Variants in EEPD1 observed in about 807,000 individuals in gnomAD.
EEPD1 encodes the protein endonuclease/exonuclease/phosphatase family domain containing 1, also known as endonuclease/exonuclease/phosphatase family domain-containing protein 1.
EEPD1 carries 17 observed loss-of-function variants against 46.3 expected under a neutral mutation model. The ratio of observed to expected loss-of-function variants is 0.37; its 90% confidence interval spans 0.25 to 0.55. The LOEUF (loss-of-function observed/expected upper bound fraction) is 0.55, where lower values mean the gene tolerates loss of function less well. EEPD1 is among the 20% of genes least tolerant of loss of function. The pLI is 0.83. For missense variants in EEPD1, 673 were observed against 745.6 expected (o/e 0.90, Z 1.13); for synonymous variants, 313 against 315.6 (o/e 0.99, Z 0.09).
chr7:36,298,926 A>G, intron 7 of EEPD1, 81 bp from the exon 8 acceptor site: 4 of 1,509,748 alleles, frequency 2.6e-6, no homozygotes, highest in Non-Finnish European at 3.6e-6. Flanking sequence ...ATGCGGTGTG[A>G]CCCTCCACCT....
intron 2 of EEPD1, among the ~76,000 whole-genome samples, chr7:36,180,633 CTG>C (rs1199543128): frequency 1.3e-5 from 2 of 152,122 alleles, no homozygotes; most frequent in African/African-American, 2.4e-5. Context: ...GTTTAGGTGA[CTG>C]AGTATTTTAG....
At chr7:36,171,919 G>C (rs1168300258) in intron 2 of EEPD1, among the ~76,000 whole-genome samples, 1 of 152,188 alleles carries the variant, frequency 6.6e-6, no homozygotes, top group Non-Finnish European at 1.5e-5. Context: ...AGACCAAACT[G>C]TGAAGTTCAT....
chr7:36,155,406 G>C (rs993063617), intron 2 of EEPD1, among the ~76,000 whole-genome samples: 2 of 152,206 alleles, frequency 1.3e-5, no homozygotes, highest in African/African-American at 4.8e-5. Flanking sequence ...CTGGGCTTGT[G>C]ACCCATGTCT....
intron 5 of EEPD1, among the ~76,000 whole-genome samples, chr7:36,286,682 C>T (rs1787346740): frequency 6.6e-6 from 1 of 152,140 alleles, no homozygotes; most frequent in Non-Finnish European, 1.5e-5. Flanking sequence ...CTATAGTGGG[C>T]TCCAGAGAGA....
intron 3 of EEPD1, among the ~76,000 whole-genome samples, chr7:36,257,413 T>C (rs983035697): frequency 1.3e-5 from 2 of 152,104 alleles, no homozygotes; most frequent in Non-Finnish European, 2.9e-5. Context: ...TCCTGAAGAG[T>C]GTTTTCCAAG....
intron 2 of EEPD1, among the ~76,000 whole-genome samples, chr7:36,230,320 G>T (rs1364368293): frequency 6.7e-6 from 1 of 148,212 alleles, no homozygotes; most frequent in East Asian, 2.0e-4. Flanking sequence ...GTTACTTTCT[G>T]TGCCCCCGGG....
Position 36,154,689 on chromosome 7 carries a change from A to G in EEPD1, c.365A>G (p.Gln122Arg). ...CTGCGGCGGGACCTGCTAGCGGAGCAGCAGCCTCACCACCTGGCCACAGCT... is the reference window on the plus strand; with the variant it reads ...CTGCGGCGGGACCTGCTAGCGGAGCGGCAGCCTCACCACCTGGCCACAGCT... ...SSLRRDLLAE[Q>R]QPHHLATAVP... is the part of the protein sequence containing the mutation. The change falls in exon 2 of 8, where the codon CAG becomes CGG. Residue 122 changes from glutamine to arginine, a missense_variant. Physicochemically the swap from Gln to Arg is conservative, Grantham distance 43. Transcript: ENST00000242108. This position sits in a 1 kb window ranked among gnomAD's most constrained non-coding sequence, Gnocchi z 4.2. 1 of 1,613,568 alleles carries G rather than the reference A, an allele frequency of 6.2e-7. No homozygotes were observed. The highest frequency in any genetic ancestry group is 8.5e-7 in the Non-Finnish European group (1 of 1,179,976).
At chr7:36,249,042 C>G (rs1786689983) in intron 3 of EEPD1, among the ~76,000 whole-genome samples, 1 of 148,180 alleles carries the variant, frequency 6.7e-6, no homozygotes, top group African/African-American at 2.5e-5. Flanking sequence ...CACATTTTCT[C>G]CTTATTCTTT....
chr7:36,154,081 A>C lies in EEPD1; in HGVS notation c.-192-52A>C. On this transcript the variant is annotated intron_variant, in intron 1 of 7. Coordinates refer to ENST00000242108, the MANE Select transcript of EEPD1 (RefSeq NM_030636.3). The surrounding 1 kb of genome is among the most constrained non-coding windows in gnomAD (Gnocchi z 4.2). ...CTCTAGCACTAGGTAGGGGGTGCTA[A>C]TGCAAATTTCTTAATTCAATGGGTT... 1.8e-6 allele frequency: 1 copy of C among 565,338 alleles called. No homozygotes were observed. The highest frequency in any genetic ancestry group is 2.2e-5 in the South Asian group (1 of 45,478). The allele number at this position is 565,338 out of a possible 1,614,324, so 35.0% of individuals were successfully genotyped here.
intron 2 of EEPD1, among the ~76,000 whole-genome samples, chr7:36,188,078 G>A (rs1785393812): frequency 6.6e-6 from 1 of 152,176 alleles, no homozygotes; most frequent in Admixed American, 6.5e-5. Context: ...TTACAGGTGT[G>A]AGCCACTGTG....
At chr7:36,231,459 T>A (rs1786327181) in intron 2 of EEPD1, among the ~76,000 whole-genome samples, 1 of 152,318 alleles carries the variant, frequency 6.6e-6, no homozygotes, top group South Asian at 2.1e-4. Context: ...GGGGCTGTGC[T>A]GTTCTCAGAG....
At chr7:36,171,212 C>A (rs1366861288) in intron 2 of EEPD1, among the ~76,000 whole-genome samples, 4 of 152,202 alleles carry the variant, frequency 2.6e-5, no homozygotes, top group Non-Finnish European at 5.9e-5. Flanking sequence ...CATGAGCCAC[C>A]ATGCCCAGCC....
chr7:36,235,476 A>T (rs1786416722), intron 2 of EEPD1, among the ~76,000 whole-genome samples: 1 of 152,224 alleles, frequency 6.6e-6, no homozygotes. Context: ...TGACAAAGCT[A>T]ACCTGGTCCC....
chr7:36,180,748 G>A (rs1785258476), intron 2 of EEPD1, among the ~76,000 whole-genome samples: 1 of 152,034 alleles, frequency 6.6e-6, no homozygotes, highest in Admixed American at 6.6e-5. Flanking sequence ...TTCTGGACTG[G>A]TCGGGCTCCT....
At chr7:36,217,820 CT>C (rs904630420) in intron 2 of EEPD1, among the ~76,000 whole-genome samples, 8 of 152,120 alleles carry the variant, frequency 5.3e-5, no homozygotes, top group Admixed American at 5.2e-4. Flanking sequence ...TGAATTTCAC[CT>C]GGCCTAAAAG....
intron 2 of EEPD1, among the ~76,000 whole-genome samples, chr7:36,171,253 A>G (rs1785075311): frequency 6.6e-6 from 1 of 152,126 alleles, no homozygotes; most frequent in Admixed American, 6.5e-5. Context: ...GTATAAATCA[A>G]TTTTGGCTGT....
rs1424274209 is a variant in EEPD1 at position 36,237,019 on chromosome 7, C to T, written c.879-1966C>T. Among the ~76,000 whole-genome samples, 5 of 152,344 alleles carry T rather than the reference C, an allele frequency of 3.3e-5. No homozygotes were observed. In the East Asian group the frequency reaches 9.7e-4, roughly 29 times the overall value. On this transcript the variant is annotated intron_variant, in intron 2 of 7. Transcript: ENST00000242108. ...CTGCTCCCTCTTTGGTTCCATGCTGCTGTAACACTCACTGCGAAGGTCTGC... is the reference window on the plus strand; with the variant it reads ...CTGCTCCCTCTTTGGTTCCATGCTGTTGTAACACTCACTGCGAAGGTCTGC...
intron 2 of EEPD1, among the ~76,000 whole-genome samples, chr7:36,214,625 G>A (rs1186039863): frequency 1.3e-5 from 2 of 152,172 alleles, no homozygotes; most frequent in African/African-American, 4.8e-5. Context: ...GACTTAAGTA[G>A]GAAAGTCTGG....
At position 36,299,171 on chromosome 7, in the gene EEPD1, G is replaced by C. The variant is rs1325449857; in HGVS notation, c.1675G>C (p.Glu559Gln). The change falls in exon 8 of 8, where the codon GAG becomes CAG. Residue 559 changes from glutamate (E) to glutamine (Q), a missense_variant. Transcript: ENST00000242108. ...TCGGAACGGCAGCGGGGTGGCCTTG[G>C]AGCGAAGTGAAGCCAACATCAAGCA... ...APRNGSGVAL[E>Q]RSEANIKHER 1 of 1,614,218 alleles carries C rather than the reference G, an allele frequency of 6.2e-7. No individual in the cohort carries two copies. Among genetic ancestry groups the C allele is most frequent in the Non-Finnish European group, 8.5e-7 (1 of 1,180,038 alleles).
Sources: allele counts gnomAD v4.1 joint callset (sites outside exome capture counted in the v4.1 genomes callset), GRCh38; gene constraint gnomAD v4.1.1; non-coding constraint Gnocchi (gnomAD v3.1); transcripts MANE v1.5; gene names NCBI Gene and HGNC (gene_info 2026-07-23, HGNC 2026-07-21).